The following SLC12A8 variants were observed in gnomAD, a reference collection of about 807,000 sequenced individuals.
SLC12A8 encodes the protein cation-chloride cotransporter 9.
A neutral mutation model predicts 75.6 loss-of-function variants in SLC12A8; 69 were observed. That is an observed-to-expected ratio of 0.91 (90% confidence interval 0.75 to 1.11). The LOEUF is 1.11. Among genes scored for constraint, SLC12A8 ranks in the 50% most tolerant of loss-of-function variants. The probability of loss-of-function intolerance (pLI) is 0.00; values close to 1 mark genes in which losing one functional copy is unlikely to be tolerated. For missense variants in SLC12A8, 877 were observed against 896.7 expected (o/e 0.98, Z 0.28); for synonymous variants, 365 against 372.8 (o/e 0.98, Z 0.24).
At chr3:125,170,390 G>A (rs867948500) in intron 5 of SLC12A8, among the ~76,000 whole-genome samples, 1 of 152,222 alleles carries the variant, frequency 6.6e-6, no homozygotes, top group African/African-American at 2.4e-5. Flanking sequence ...ATACTCATCA[G>A]TAAGCTAATC....
chr3:125,083,966 T>A lies in SLC12A8; in HGVS notation c.2069A>T (p.Asn690Ile), dbSNP rs1299664481. 1.2e-6 allele frequency: 2 copies of A among 1,613,676 alleles called. No individual in the cohort carries two copies. The highest frequency in any genetic ancestry group is 2.2e-5 in the South Asian group (2 of 90,926). ...GCGATCCCGAGTGGCGAAGTCTGCA[T>A]TCTCCTGGGTGAGCTGAGTCATCTC... is the stretch of plus-strand genomic sequence containing the variant. Reference protein sequence around the residue: ...DMEMTQLTQENADFATRDRYH... With the variant: ...DMEMTQLTQEIADFATRDRYH... The change falls in exon 14 of 14, where the codon AAT becomes ATT. Residue 690 changes from asparagine to isoleucine, a missense_variant. Physicochemically the swap from Asn to Ile is moderately radical, Grantham distance 149. Transcript: ENST00000469902.
chr3:125,104,577 T>C (rs1315932099), intron 10 of SLC12A8, among the ~76,000 whole-genome samples: 1 of 150,614 alleles, frequency 6.6e-6, no homozygotes, highest in Non-Finnish European at 1.5e-5. Flanking sequence ...AAAAACTGGA[T>C]AATTGTGGCA....
chr3:125,203,556 A>T (rs771438100), intron 2 of SLC12A8, among the ~76,000 whole-genome samples: 11 of 152,162 alleles, frequency 7.2e-5, no homozygotes, highest in Non-Finnish European at 1.0e-4. Flanking sequence ...ATGAAACTAG[A>T]CCCCCATCTC....
At chr3:125,085,491 C>A (rs1239487296) in intron 13 of SLC12A8, among the ~76,000 whole-genome samples, 1 of 152,168 alleles carries the variant, frequency 6.6e-6, no homozygotes, top group Non-Finnish European at 1.5e-5. Flanking sequence ...TTTTGAAGAG[C>A]ATTTTGGGGG....
intron 13 of SLC12A8, among the ~76,000 whole-genome samples, chr3:125,084,613 C>T (rs1347479151): frequency 6.6e-6 from 1 of 152,192 alleles, no homozygotes; most frequent in Non-Finnish European, 1.5e-5. Context: ...GGAGTCTCTG[C>T]ATACAGTTTC....
chr3:125,153,721 C>G (rs1269827808), intron 5 of SLC12A8, among the ~76,000 whole-genome samples: 1 of 152,122 alleles, frequency 6.6e-6, no homozygotes, highest in Non-Finnish European at 1.5e-5. Flanking sequence ...TCACTGCAAC[C>G]TCCACCTCCC....
At chr3:125,176,219 A>G (rs566097485) in intron 5 of SLC12A8, among the ~76,000 whole-genome samples, 3 of 152,246 alleles carry the variant, frequency 2.0e-5, no homozygotes, top group Non-Finnish European at 4.4e-5. Flanking sequence ...TTAGCATCAA[A>G]CAGATCTCGC....
At chr3:125,131,307 A>C (rs1465036766) in intron 6 of SLC12A8, among the ~76,000 whole-genome samples, 1 of 152,240 alleles carries the variant, frequency 6.6e-6, no homozygotes, top group African/African-American at 2.4e-5. Context: ...TGGGGAAAAC[A>C]TGAGGCGACA....
At chr3:125,177,182 G>A (rs2107788056) in intron 5 of SLC12A8, among the ~76,000 whole-genome samples, 1 of 152,086 alleles carries the variant, frequency 6.6e-6, no homozygotes, top group South Asian at 2.1e-4. Context: ...GTAGGGACAT[G>A]GATGAAGCTG....
chr3:125,100,573 A>C (rs928586252), intron 10 of SLC12A8, among the ~76,000 whole-genome samples: 1 of 150,912 alleles, frequency 6.6e-6, no homozygotes, highest in Non-Finnish European at 1.5e-5. Flanking sequence ...ATGCCCGGCT[A>C]ATTTTTGTAT....
chr3:125,108,762 T>C (rs1579475162), intron 9 of SLC12A8, among the ~76,000 whole-genome samples: 1 of 152,206 alleles, frequency 6.6e-6, no homozygotes, highest in Non-Finnish European at 1.5e-5. Context: ...AATACCAGCA[T>C]AGAAAATCAA....
intron 10 of SLC12A8, among the ~76,000 whole-genome samples, chr3:125,100,102 CAG>C (rs1328677706): frequency 6.6e-6 from 1 of 151,874 alleles, no homozygotes; most frequent in Non-Finnish European, 1.5e-5. Flanking sequence ...AAGTGAAGAA[CAG>C]AGGGGGAAAG....
rs945018902 is a variant in SLC12A8 at position 125,187,344 on chromosome 3, C to T, written c.283G>A (p.Val95Ile). ...CTGCCGATGCTGCTGCGCTCCCCGA[C>T]GCCAATGCCAGACAGCACCGTGACG... ...ALVTVLSGIG[V>I]GERSSIGSGG... is the part of the protein sequence containing the mutation. The change falls in exon 4 of 14, where the codon GTC becomes ATC. Residue 95 changes from valine (V) to isoleucine (I), a missense_variant. By Grantham distance (29) the Val-to-Ile change is conservative. Coordinates refer to ENST00000469902, the MANE Select transcript of SLC12A8 (RefSeq NM_024628.6). 1.5e-5 allele frequency: 24 copies of T among 1,614,082 alleles called. No individual in the cohort carries two copies. The highest frequency in any genetic ancestry group is 3.3e-4 in the Middle Eastern group (2 of 6,084).
chr3:125,123,062 T>C lies in SLC12A8; in HGVS notation c.737-2376A>G, dbSNP rs544490966. On this transcript the variant is annotated intron_variant, in intron 6 of 13. Coordinates refer to ENST00000469902, the MANE Select transcript of SLC12A8 (RefSeq NM_024628.6). The stretch of plus-strand genomic sequence containing the variant: ...TGGTTCATGCCTGTAATCCCAGCGC[T>C]TTGGGAGGCCAAGGCAGAAGGATCA... Among the ~76,000 whole-genome samples the C allele has an allele frequency of 4.7e-4, 71 of 152,000 alleles. 1 individual carries two copies. The highest frequency in any genetic ancestry group is 1.6e-3 in the African/African-American group (67 of 41,472).
intron 5 of SLC12A8, among the ~76,000 whole-genome samples, chr3:125,175,146 T>C (rs751791554): frequency 3.9e-5 from 6 of 152,230 alleles, no homozygotes; most frequent in Non-Finnish European, 5.9e-5. Context: ...AAAGTAACAC[T>C]GGTCATTTGA....
chr3:125,126,221 C>T (rs1479552959), intron 6 of SLC12A8, among the ~76,000 whole-genome samples: 3 of 152,144 alleles, frequency 2.0e-5, no homozygotes, highest in Non-Finnish European at 4.4e-5. Context: ...AGGTGTCAGC[C>T]ATCACTTGAC....
intron 5 of SLC12A8, among the ~76,000 whole-genome samples, chr3:125,137,524 G>A (rs7375050): frequency 0.063 from 9,537 of 152,266 alleles, 768 homozygotes; most frequent in African/African-American, 0.19. Context: ...CCTTGGAACC[G>A]AGCTCAGCCA....
chr3:125,176,780 A>G lies in SLC12A8; in HGVS notation c.622+963T>C, dbSNP rs374602439. Among the ~76,000 whole-genome samples, 22 of 145,688 alleles carry G rather than the reference A, an allele frequency of 1.5e-4. 1 individual carries two copies. In the South Asian group the frequency reaches 2.2e-3, roughly 15 times the overall value. On this transcript the variant is annotated intron_variant, in intron 5 of 13. Transcript: ENST00000469902. ...CAAATCAAAACCACAATGAGATACC[A>G]TCTCACACCAGTTAGAATGGCAATC...
chr3:125,187,339 C>T lies in SLC12A8; in HGVS notation c.288G>A (p.Gly96=). The change falls in exon 4 of 14, where the codon GGG becomes GGA. Residue 96 remains glycine, a synonymous_variant. Transcript: ENST00000469902. ...CACCGCTGCCGATGCTGCTGCGCTCCCCGACGCCAATGCCAGACAGCACCG... is the reference window on the plus strand; with the variant it reads ...CACCGCTGCCGATGCTGCTGCGCTCTCCGACGCCAATGCCAGACAGCACCG... The part of the protein sequence containing the change: ...LVTVLSGIGV[G]ERSSIGSGGV... 1 of 1,614,204 alleles carries T rather than the reference C, an allele frequency of 6.2e-7. No homozygotes were observed. The highest frequency in any genetic ancestry group is 8.5e-7 in the Non-Finnish European group (1 of 1,180,038).
Sources: gnomAD v4.1 joint callset for allele counts (sites outside exome capture counted in the v4.1 genomes callset) on GRCh38, gnomAD v4.1.1 for gene constraint, MANE v1.5 for transcripts, NCBI Gene and HGNC (gene_info 2026-07-23, HGNC 2026-07-21) for gene names.